SCN8A: variants seen among roughly 807,000 people sequenced by gnomAD.
The protein encoded by SCN8A is sodium channel protein type 8 subunit alpha.
SCN8A carries 30 observed loss-of-function variants against 184.1 expected under a neutral mutation model. The observed-to-expected ratio is 0.16, with a 90% confidence interval of 0.12 to 0.22. The LOEUF is 0.22. Ranked by LOEUF, SCN8A falls within the 10% of genes least tolerant of loss-of-function variation. The pLI, the probability that SCN8A is intolerant of heterozygous loss-of-function variation, is 1.00. For synonymous variants in SCN8A, 852 were observed against 907.0 expected (o/e 0.94, Z 1.09); for missense variants, 1,057 against 2,498.9 (o/e 0.42, Z 12.30).
At chr12:51,661,549 G>T (rs1341541413) in intron 1 of SCN8A, among the ~76,000 whole-genome samples, 1 of 152,112 alleles carries the variant, frequency 6.6e-6, no homozygotes, top group East Asian at 1.9e-4. Flanking sequence ...TTCTCTTGAG[G>T]AGCCTCAAGG....
At chr12:51,787,420 G>A (rs887087552) in intron 22 of SCN8A, among the ~76,000 whole-genome samples, 14 of 152,196 alleles carry the variant, frequency 9.2e-5, no homozygotes, top group South Asian at 2.1e-4. Context: ...GTTTCAGAAT[G>A]TGTGACAAGA....
rs774981346 is a variant in SCN8A at position 51,806,373 on chromosome 12, T to G, written c.4887T>G (p.Arg1629=). Residue 1629 remains arginine (R), a synonymous_variant, in exon 27 of 27, where the codon CGT becomes CGG. Coordinates refer to ENST00000627620, the MANE Select transcript of SCN8A (RefSeq NM_001330260.2). The surrounding 1 kb of genome is among the most constrained non-coding windows in gnomAD (Gnocchi z 8.7). ...TGGCCCGTATTGGGCGCATCTTGCG[T>G]CTGATCAAAGGCGCCAAAGGGATTC... ...IRLARIGRIL[R]LIKGAKGIRT... The G allele has an allele frequency of 3.7e-6, 6 of 1,600,450 alleles. No individual in the cohort carries two copies. The highest frequency in any genetic ancestry group is 4.3e-6 in the Non-Finnish European group (5 of 1,170,950).
At chr12:51,630,568 G>C (rs1346732053) in intron 1 of SCN8A, among the ~76,000 whole-genome samples, 2 of 151,950 alleles carry the variant, frequency 1.3e-5, no homozygotes. Flanking sequence ...TGTTGCTGTG[G>C]CATTTTGTTT....
At chr12:51,648,037 G>A (rs1940629008) in intron 1 of SCN8A, among the ~76,000 whole-genome samples, 1 of 67,300 alleles carries the variant, frequency 1.5e-5, no homozygotes, top group South Asian at 3.3e-4. Flanking sequence ...GAGGTGTGCT[G>A]CTGCAAACTG....
chr12:51,726,361 C>T (rs2138791384), intron 12 of SCN8A, among the ~76,000 whole-genome samples: 1 of 152,328 alleles, frequency 6.6e-6, no homozygotes, highest in Middle Eastern at 3.4e-3. Flanking sequence ...TTAATGCTTA[C>T]AGCCTGGACC....
At chr12:51,703,057 T>C (rs566834763) in intron 9 of SCN8A, 143 bp downstream of exon 9, 17 of 789,350 alleles carry the variant, frequency 2.2e-5, no homozygotes, top group African/African-American at 2.1e-4. Flanking sequence ...GTTTTTGATA[T>C]TAAGTGAATT....
chr12:51,652,835 A>G (rs1011294157), intron 1 of SCN8A, among the ~76,000 whole-genome samples: 6 of 152,280 alleles, frequency 3.9e-5, no homozygotes, highest in South Asian at 2.1e-4. Context: ...AAGATTTACC[A>G]TACTGTACTT....
intron 1 of SCN8A, among the ~76,000 whole-genome samples, chr12:51,618,324 G>T (rs74588376): frequency 6.6e-6 from 1 of 151,830 alleles, no homozygotes; most frequent in Admixed American, 6.6e-5. Flanking sequence ...CTTCCCTTTC[G>T]TGTCTAGGGG....
intron 11 of SCN8A, among the ~76,000 whole-genome samples, chr12:51,710,459 G>A (rs1941855891): frequency 6.6e-6 from 1 of 152,150 alleles, no homozygotes; most frequent in Admixed American, 6.5e-5. Flanking sequence ...GAGGCCAGGA[G>A]TTCAAGACCA....
At chr12:51,794,782 GAGTCATC>G in intron 26 of SCN8A, 141 bp downstream of exon 26, 1 of 774,710 alleles carries the variant, frequency 1.3e-6, no homozygotes, top group Non-Finnish European at 2.0e-6. Context: ...GTGTGCCCCT[GAGTCATC>G]TCGGGGGCCT....
chr12:51,616,608 C>CCAAA (rs556210320), intron 1 of SCN8A, among the ~76,000 whole-genome samples: 108 of 152,094 alleles, frequency 7.1e-4, no homozygotes, highest in Non-Finnish European at 1.5e-3. Flanking sequence ...GAAACTGTCT[C>CCAAA]CAAACAAACA....
chr12:51,626,533 C>T (rs1177912631), intron 1 of SCN8A, among the ~76,000 whole-genome samples: 1 of 152,152 alleles, frequency 6.6e-6, no homozygotes, highest in Non-Finnish European at 1.5e-5. Context: ...CGTGATATAT[C>T]ATGAAAAACC....
intron 2 of SCN8A, among the ~76,000 whole-genome samples, chr12:51,675,823 AAG>A (rs1941213119): frequency 6.6e-6 from 1 of 152,204 alleles, no homozygotes; most frequent in South Asian, 2.1e-4. Flanking sequence ...TGTCTTGGGC[AAG>A]TTACTTAACC....
intron 1 of SCN8A, among the ~76,000 whole-genome samples, chr12:51,611,099 C>T (rs1939710395): frequency 6.6e-6 from 1 of 152,044 alleles, no homozygotes; most frequent in Non-Finnish European, 1.5e-5. Flanking sequence ...TACATCTCTT[C>T]ATTTATTTGG....
In SCN8A at chr12:51,706,662, G is replaced by T; in HGVS notation, c.1582G>T (p.Ala528Ser). Residue 528 changes from alanine to serine, a missense_variant, in exon 11 of 27, where the codon GCC becomes TCC. By Grantham distance (99) the Ala-to-Ser change is moderately conservative (BLOSUM62 1). Around this residue, in one of 19 missense-constraint regions of SCN8A, gnomAD observed 322 missense variants for 390.1 expected, o/e 0.83. Transcript: ENST00000627620. Reference sequence around the variant, plus strand: ...GTCAGAAGATGGCATGAGAAGGAAGGCCTTTCGGCTGCCAGACAACAGAAT... The same window carrying T: ...GTCAGAAGATGGCATGAGAAGGAAGTCCTTTCGGCTGCCAGACAACAGAAT... ...SESEDGMRRK[A>S]FRLPDNRIGR... is the part of the protein sequence containing the mutation. The T allele has an allele frequency of 1.3e-6, 2 of 1,578,086 alleles. No individual in the cohort carries two copies. Among genetic ancestry groups the T allele is most frequent in the Non-Finnish European group, 1.7e-6 (2 of 1,157,452 alleles).
chr12:51,810,189 C>G lies in SCN8A; in HGVS notation c.*2760C>G, dbSNP rs1938844026. The G allele has an allele frequency of 3.9e-6, 1 of 254,504 alleles. No homozygotes were observed. The highest frequency in any genetic ancestry group is 1.4e-4 in the East Asian group (1 of 7,298). The allele number at this position is 254,504 out of a possible 1,614,324, so 15.8% of individuals were successfully genotyped here. ...CTCAGTAACACATGGGCCTTGGTAT[C>G]TGGCACCCATCAGCCAGCCTCATAG... On this transcript the variant is annotated 3_prime_UTR_variant, in exon 27 of 27. Coordinates refer to ENST00000627620, the MANE Select transcript of SCN8A (RefSeq NM_001330260.2).
intron 13 of SCN8A, among the ~76,000 whole-genome samples, chr12:51,747,089 A>ATG (rs60490453): frequency 0.069 from 5,587 of 80,948 alleles, 123 homozygotes; most frequent in South Asian, 0.15. Context: ...CTCTGTGTGT[A>ATG]TGTGTGTGTG....
chr12:51,646,715 C>T lies in SCN8A; in HGVS notation c.-54-16049C>T, dbSNP rs114438104. Reference sequence around the variant, plus strand: ...GAGACTACAAAGGGTTTTCTGTTTGCGATATAAAGGGAAAGGCTCTTGTGC... The same window carrying T: ...GAGACTACAAAGGGTTTTCTGTTTGTGATATAAAGGGAAAGGCTCTTGTGC... On this transcript the variant is annotated intron_variant, in intron 1 of 26. Coordinates refer to ENST00000627620, the MANE Select transcript of SCN8A (RefSeq NM_001330260.2). Among the ~76,000 whole-genome samples the T allele has an allele frequency of 5.8e-3, 884 of 152,022 alleles. 5 individuals carry two copies. Among genetic ancestry groups the T allele is most frequent in the African/African-American group, 0.02 (820 of 41,436 alleles).
Position 51,810,824 on chromosome 12 carries a change from A to G in SCN8A, c.*3395A>G, listed in dbSNP as rs756642458. 2 of 152,430 alleles carry G rather than the reference A, an allele frequency of 1.3e-5. No homozygotes were observed. Among genetic ancestry groups the G allele is most frequent in the African/African-American group, 2.4e-5 (1 of 41,560 alleles). The allele number at this position is 152,430 out of a possible 1,614,324, so 9.4% of individuals were successfully genotyped here. A position where few individuals can be genotyped will look rare whatever the true frequency, so the allele number is the denominator to read the frequency against. On this transcript the variant is annotated 3_prime_UTR_variant, in exon 27 of 27. Coordinates refer to ENST00000627620, the MANE Select transcript of SCN8A (RefSeq NM_001330260.2). ...AGGAGGAAGAAACTTCCATGTTAACATGGCCTACTCTCACTCCTTTCTAAA... is the reference window on the plus strand; with the variant it reads ...AGGAGGAAGAAACTTCCATGTTAACGTGGCCTACTCTCACTCCTTTCTAAA...
Sources: allele counts gnomAD v4.1 joint callset (sites outside exome capture counted in the v4.1 genomes callset), GRCh38; gene constraint gnomAD v4.1.1; regional missense constraint gnomAD v4.1.1; non-coding constraint Gnocchi (gnomAD v3.1); transcripts MANE v1.5; gene names NCBI Gene and HGNC (gene_info 2026-07-23, HGNC 2026-07-21).